SOS1: variants seen among roughly 807,000 people sequenced by gnomAD.
The protein encoded by SOS1 is son of sevenless homolog 1.
In SOS1, 25 loss-of-function variants were observed where a neutral mutation model predicts 157.6. That is an observed-to-expected ratio of 0.16 (90% CI 0.12 to 0.22). The LOEUF is 0.22. SOS1 is among the 10% of genes least tolerant of loss of function. The pLI is 1.00. For synonymous variants in SOS1, 528 were observed against 534.0 expected (o/e 0.99, Z 0.16); for missense variants, 1,237 against 1,599.1 (o/e 0.77, Z 3.86).
At chr2:39,051,333 A>G (rs904958328) in intron 5 of SOS1, 46 bp from the exon 6 acceptor site, 1 of 1,541,360 alleles carries the variant, frequency 6.5e-7, no homozygotes, top group Non-Finnish European at 8.9e-7. Flanking sequence ...GTATTATTAT[A>G]ATATTAAACA....
intron 6 of SOS1, among the ~76,000 whole-genome samples, chr2:39,039,998 C>A (rs976781430): frequency 1.1e-4 from 17 of 151,890 alleles, no homozygotes; most frequent in African/African-American, 2.4e-4. Context: ...TGTTTCAACA[C>A]CCCCTTTTAT....
intron 1 of SOS1, among the ~76,000 whole-genome samples, chr2:39,119,298 C>A (rs1401386131): frequency 6.6e-6 from 1 of 152,176 alleles, no homozygotes; most frequent in Non-Finnish European, 1.5e-5. Flanking sequence ...GCAAATTCTC[C>A]TGAAAAACCA....
At position 38,987,457 on chromosome 2, in the gene SOS1, A is replaced by G. The variant is rs755518783; in HGVS notation, c.3510+16T>C. On this transcript the variant is annotated intron_variant, in intron 22 of 22. Coordinates refer to ENST00000402219, the MANE Select transcript of SOS1 (RefSeq NM_005633.4). ...TAATGATTCCAATTTCTACACAACA[A>G]GATTTCTTACTTTACCTTAGATGGT... The G allele has an allele frequency of 3.1e-6, 4 of 1,310,562 alleles. No individual in the cohort carries two copies. In the African/African-American group the frequency reaches 4.3e-5, roughly 14 times the overall value. The allele number at this position is 1,310,562 out of a possible 1,614,324, so 81.2% of individuals were successfully genotyped here.
At chr2:39,046,382 A>C (rs1670783922) in intron 6 of SOS1, among the ~76,000 whole-genome samples, 1 of 152,112 alleles carries the variant, frequency 6.6e-6, no homozygotes, top group Non-Finnish European at 1.5e-5. Context: ...AATATAGTTT[A>C]GTCTTTCCAA....
rs142763042 is a variant in SOS1 at position 39,061,939 on chromosome 2, G to T, written c.214-3135C>A. Among the ~76,000 whole-genome samples the T allele has an allele frequency of 2.6e-5, 4 of 151,594 alleles. No homozygotes were observed. In the East Asian group the frequency reaches 7.7e-4, roughly 29 times the overall value. Reference sequence around the variant, plus strand: ...TAAATAGGTTTAAAAAGATAATCTTGATCAATTCCAATATAAATATTCTAG... The same window carrying T: ...TAAATAGGTTTAAAAAGATAATCTTTATCAATTCCAATATAAATATTCTAG... On this transcript the variant is annotated intron_variant, in intron 2 of 22. Coordinates refer to ENST00000402219, the MANE Select transcript of SOS1 (RefSeq NM_005633.4).
At chr2:39,094,606 CTG>C (rs1244670411) in intron 1 of SOS1, among the ~76,000 whole-genome samples, 1 of 151,988 alleles carries the variant, frequency 6.6e-6, no homozygotes, top group Non-Finnish European at 1.5e-5. Context: ...TGAGCCGAGA[CTG>C]TACCACTGCA....
Position 39,013,444 on chromosome 2 carries a change from A to G in SOS1, c.2167+16T>C. The G allele has an allele frequency of 1.3e-6, 1 of 773,344 alleles. No homozygotes were observed. Among genetic ancestry groups the G allele is most frequent in the Non-Finnish European group, 1.9e-6 (1 of 527,756 alleles). 47.9% of individuals were successfully genotyped at this position (773,344 alleles called of 1,614,324 possible). On this transcript the variant is annotated intron_variant, in intron 13 of 22. Transcript: ENST00000402219. Reference sequence around the variant, plus strand: ...TTATTACATATAAAACTAGGCACCTAAAAAAAAAAACATACCTCTTACTGT... The same window carrying G: ...TTATTACATATAAAACTAGGCACCTGAAAAAAAAAACATACCTCTTACTGT...
chr2:39,015,032 A>G (rs1669588263), intron 10 of SOS1, among the ~76,000 whole-genome samples, 186 bp from the exon 11 acceptor site: 1 of 152,132 alleles, frequency 6.6e-6, no homozygotes, highest in African/African-American at 2.4e-5. Flanking sequence ...TGGTGATATT[A>G]AAACTTTACA....
intron 5 of SOS1, among the ~76,000 whole-genome samples, chr2:39,053,015 T>G (rs567353009): frequency 3.9e-4 from 60 of 152,208 alleles, no homozygotes; most frequent in African/African-American, 1.4e-3. Flanking sequence ...GAGCCAGGCG[T>G]GGTGGCACAC....
At chr2:39,119,003 C>T (rs1483086629) in intron 1 of SOS1, among the ~76,000 whole-genome samples, 1 of 152,170 alleles carries the variant, frequency 6.6e-6, no homozygotes, top group African/African-American at 2.4e-5. Context: ...TTATGAGTTC[C>T]TTTACACGTT....
chr2:39,106,544 T>C (rs1572896672), intron 1 of SOS1, among the ~76,000 whole-genome samples: 1 of 126,178 alleles, frequency 7.9e-6, no homozygotes, highest in African/African-American at 3.3e-5. Flanking sequence ...TGAGCCGAGA[T>C]CCCGCCACTG....
chr2:39,001,071 A>G (rs911524335), intron 17 of SOS1, among the ~76,000 whole-genome samples: 3 of 152,168 alleles, frequency 2.0e-5, no homozygotes, highest in South Asian at 2.1e-4. Flanking sequence ...AAAAAATTCT[A>G]TTTTTGAAAC....
At chr2:39,102,428 G>C (rs911805328) in intron 1 of SOS1, among the ~76,000 whole-genome samples, 2 of 147,596 alleles carry the variant, frequency 1.4e-5, no homozygotes, top group African/African-American at 2.5e-5. Context: ...AGCTAGACTA[G>C]GTTGAGGTAG....
rs749394772 is a variant in SOS1 at position 39,008,810 on chromosome 2, T to C, written c.2511-1617A>G. On this transcript the variant is annotated intron_variant, in intron 15 of 22. Coordinates refer to ENST00000402219, the MANE Select transcript of SOS1 (RefSeq NM_005633.4). Reference sequence around the variant, plus strand: ...AGTGGATGAGTCTTTCCAGTACCACTGCCATGCAATAAGAAGCCCTGGAAA... The same window carrying C: ...AGTGGATGAGTCTTTCCAGTACCACCGCCATGCAATAAGAAGCCCTGGAAA... Among the ~76,000 whole-genome samples, 15 of 152,128 alleles carry C rather than the reference T, an allele frequency of 9.9e-5. 1 individual carries two copies. Among genetic ancestry groups the C allele is most frequent in the South Asian group, 4.1e-4 (2 of 4,830 alleles).
chr2:39,017,467 G>A (rs977068439), intron 10 of SOS1, among the ~76,000 whole-genome samples: 9 of 151,976 alleles, frequency 5.9e-5, no homozygotes, highest in African/African-American at 1.9e-4. Context: ...ATTAACAGCT[G>A]TACCTTCCTG....
chr2:39,095,841 G>C (rs1282346613), intron 1 of SOS1, among the ~76,000 whole-genome samples: 1 of 152,208 alleles, frequency 6.6e-6, no homozygotes, highest in Non-Finnish European at 1.5e-5. Flanking sequence ...TGGGTGTGTA[G>C]AAGTCTAGGT....
intron 1 of SOS1, among the ~76,000 whole-genome samples, chr2:39,071,104 G>C (rs1373939661): frequency 1.3e-5 from 2 of 152,244 alleles, no homozygotes; most frequent in African/African-American, 4.8e-5. Flanking sequence ...CTGACCTCAA[G>C]TGATCCACCC....
intron 6 of SOS1, among the ~76,000 whole-genome samples, chr2:39,047,531 G>C (rs1457363039): frequency 6.6e-6 from 1 of 152,120 alleles, no homozygotes; most frequent in East Asian, 1.9e-4. Context: ...ACATTTCCTT[G>C]ATGAGTAACA....
intron 6 of SOS1, among the ~76,000 whole-genome samples, chr2:39,047,078 T>C (rs1226570831): frequency 6.6e-6 from 1 of 152,148 alleles, no homozygotes; most frequent in Non-Finnish European, 1.5e-5. Flanking sequence ...GATAAAGAAA[T>C]AGAACATTTC....
Sources: gnomAD v4.1 joint callset for allele counts (sites outside exome capture counted in the v4.1 genomes callset) on GRCh38, gnomAD v4.1.1 for gene constraint, MANE v1.5 for transcripts, NCBI Gene and HGNC (gene_info 2026-07-23, HGNC 2026-07-21) for gene names.